The following PAPPA variants were observed in gnomAD, a reference collection of about 807,000 sequenced individuals.
PAPPA encodes the protein pappalysin 1, also known as pappalysin-1.
In PAPPA, 60 loss-of-function variants were observed where a neutral mutation model predicts 164.0. The ratio of observed to expected loss-of-function variants is 0.37; its 90% CI spans 0.30 to 0.45. The LOEUF is 0.45. Among genes scored for constraint, PAPPA ranks in the 20% least tolerant of loss-of-function variants. PAPPA has a pLI of 1.00. For synonymous variants in PAPPA, 875 were observed against 814.1 expected, an observed-to-expected ratio of 1.07 and a Z score of -1.27; for missense variants, 1,782 against 2,087.3, an observed-to-expected ratio of 0.85 and a Z score of 2.85.
In PAPPA at chr9:116,367,683, G is replaced by A. The variant is rs1348679332; in HGVS notation, c.4534G>A (p.Glu1512Lys). The change falls in exon 19 of 22, where the codon GAG becomes AAG. Residue 1512 changes from glutamate (E) to lysine (K), a missense_variant. Around this residue, in one of 2 missense-constraint regions of PAPPA, gnomAD observed 1,324 missense variants for 1,656.9 expected, o/e 0.80. Coordinates refer to ENST00000328252, the MANE Select transcript of PAPPA (RefSeq NM_002581.5). ...CACCTCGTGCCTGGACCACAACAGC[G>A]AGTCCATCATCCTGCCAATGAACGT... ...CATSCLDHNS[E>K]SIILPMNVTV... 1.2e-6 allele frequency: 2 copies of A among 1,614,034 alleles called. No homozygotes were observed. The highest frequency in any genetic ancestry group is 1.7e-6 in the Non-Finnish European group (2 of 1,179,954).
intron 18 of PAPPA, among the ~76,000 whole-genome samples, chr9:116,364,706 C>CGCAA (rs1564242809): frequency 6.6e-6 from 1 of 152,084 alleles, no homozygotes; most frequent in African/African-American, 2.4e-5. Context: ...CTCAACTGTA[C>CGCAA]GCAAATGAGT....
intron 21 of PAPPA, among the ~76,000 whole-genome samples, chr9:116,392,709 A>G (rs1293559077): frequency 6.6e-6 from 1 of 152,190 alleles, no homozygotes; most frequent in Admixed American, 6.5e-5. Flanking sequence ...AGGAGGGAAG[A>G]AAACACCATG....
At chr9:116,245,059 A>G (rs1415496995) in intron 7 of PAPPA, among the ~76,000 whole-genome samples, 4 of 152,094 alleles carry the variant, frequency 2.6e-5, no homozygotes, top group African/African-American at 7.2e-5. Context: ...CATCTCAGAC[A>G]TAGACAAATA....
chr9:116,289,314 G>GCCATATATATAGCATATATATGC (rs1228470158), intron 9 of PAPPA, among the ~76,000 whole-genome samples: 29 of 102,290 alleles, frequency 2.8e-4, no homozygotes, highest in Non-Finnish European at 6.3e-4. Flanking sequence ...CATATATATG[G>GCCATATATATAGCATATATATGC]CATATATATG....
At chr9:116,216,026 T>TA (rs1844366844) in intron 4 of PAPPA, among the ~76,000 whole-genome samples, 1 of 152,190 alleles carries the variant, frequency 6.6e-6, no homozygotes, top group South Asian at 2.1e-4. Flanking sequence ...GAGTTCAGGG[T>TA]AATGTTTATT....
At chr9:116,332,600 G>T in intron 12 of PAPPA, 132 bp downstream of exon 12, 1 of 820,616 alleles carries the variant, frequency 1.2e-6, no homozygotes. Context: ...TTTCTATTTG[G>T]CATTCTGGTT....
chr9:116,214,515 C>T (rs1246266997), intron 4 of PAPPA, among the ~76,000 whole-genome samples: 1 of 152,100 alleles, frequency 6.6e-6, no homozygotes, highest in Non-Finnish European at 1.5e-5. Flanking sequence ...TAAGTATCTG[C>T]CTCATTTTCT....
intron 21 of PAPPA, among the ~76,000 whole-genome samples, chr9:116,387,883 T>G (rs1183701269): frequency 1.3e-5 from 2 of 152,190 alleles, no homozygotes; most frequent in Admixed American, 6.5e-5. Flanking sequence ...GTGGGTGATA[T>G]TCTTGCTTCA....
At chr9:116,159,652 A>G (rs1021834796) in intron 1 of PAPPA, among the ~76,000 whole-genome samples, 5 of 152,202 alleles carry the variant, frequency 3.3e-5, no homozygotes, top group Admixed American at 3.3e-4. Context: ...CTCCTTCCCC[A>G]GGTGCTCCTC....
intron 19 of PAPPA, chr9:116,373,112 C>G (rs1390385012): frequency 6.6e-6 from 1 of 152,144 alleles, no homozygotes; most frequent in Non-Finnish European, 1.5e-5. Flanking sequence ...TCGAATGGTT[C>G]TGAGTGACTG....
intron 7 of PAPPA, among the ~76,000 whole-genome samples, chr9:116,255,973 G>A (rs1465812108): frequency 6.6e-6 from 1 of 151,058 alleles, no homozygotes; most frequent in Non-Finnish European, 1.5e-5. Flanking sequence ...ATACTGCTCA[G>A]TATGGTGTGA....
intron 7 of PAPPA, among the ~76,000 whole-genome samples, chr9:116,244,860 A>C (rs1017666634): frequency 6.6e-6 from 1 of 152,138 alleles, no homozygotes; most frequent in East Asian, 1.9e-4. Context: ...ACCTGCACCC[A>C]TATGTTTATC....
chr9:116,361,046 G>T (rs1001234958), intron 17 of PAPPA, among the ~76,000 whole-genome samples: 3 of 152,160 alleles, frequency 2.0e-5, no homozygotes, highest in Non-Finnish European at 4.4e-5. Context: ...CACAACATAC[G>T]ATGCCTTCAC....
chr9:116,300,527 C>G (rs145001496), intron 9 of PAPPA, among the ~76,000 whole-genome samples: 1 of 152,164 alleles, frequency 6.6e-6, no homozygotes, highest in African/African-American at 2.4e-5. Flanking sequence ...TGCCTTGGCT[C>G]TCCCCAAAGT....
intron 1 of PAPPA, among the ~76,000 whole-genome samples, chr9:116,170,445 A>C (rs1843763611): frequency 6.6e-6 from 1 of 152,142 alleles, no homozygotes; most frequent in African/African-American, 2.4e-5. Context: ...TAAATAGGCA[A>C]GTACACTTCA....
intron 7 of PAPPA, among the ~76,000 whole-genome samples, chr9:116,259,020 C>G (rs141507198): frequency 6.6e-6 from 1 of 152,038 alleles, no homozygotes; most frequent in Non-Finnish European, 1.5e-5. Flanking sequence ...GTAATCCCAG[C>G]TACTTGGGAG....
intron 1 of PAPPA, among the ~76,000 whole-genome samples, chr9:116,181,275 A>T (rs757384258): frequency 1.3e-5 from 2 of 152,140 alleles, no homozygotes; most frequent in Admixed American, 1.3e-4. Flanking sequence ...AATTCTGGAG[A>T]TCAAAAGTCC....
At chr9:116,276,644 G>C (rs908224416) in intron 9 of PAPPA, among the ~76,000 whole-genome samples, 5 of 152,184 alleles carry the variant, frequency 3.3e-5, no homozygotes, top group African/African-American at 1.2e-4. Flanking sequence ...AGAAAACAAA[G>C]GAAAGGGACC....
chr9:116,243,272 C>T (rs1844757418), intron 7 of PAPPA, among the ~76,000 whole-genome samples: 1 of 152,212 alleles, frequency 6.6e-6, no homozygotes, highest in South Asian at 2.1e-4. Flanking sequence ...CCGGTTTCTG[C>T]TCTCAGCAGG....
Sources: allele counts gnomAD v4.1 joint callset (sites outside exome capture counted in the v4.1 genomes callset), GRCh38; gene constraint gnomAD v4.1.1; regional missense constraint gnomAD v4.1.1; transcripts MANE v1.5; gene names NCBI Gene and HGNC (gene_info 2026-07-23, HGNC 2026-07-21).